The following ITGA1 variants were observed in gnomAD, a reference collection of about 807,000 sequenced individuals.
The protein encoded by ITGA1 is integrin subunit alpha 1.
ITGA1 carries 85 observed loss-of-function variants against 145.9 expected under a neutral mutation model. The ratio of observed to expected loss-of-function variants is 0.58; its 90% confidence interval spans 0.49 to 0.70. ITGA1 has a LOEUF of 0.70. Among genes scored for constraint, ITGA1 ranks in the 30% least tolerant of loss-of-function variants. The pLI, the probability that ITGA1 is intolerant of heterozygous loss-of-function variation, is 0.00. For missense variants in ITGA1, 1,351 were observed against 1,418.7 expected (o/e 0.95, Z 0.77); for synonymous variants, 520 against 495.3 (o/e 1.05, Z -0.66).
At chr5:52,850,818 C>T (rs1749420887) in intron 2 of ITGA1, among the ~76,000 whole-genome samples, 1 of 152,128 alleles carries the variant, frequency 6.6e-6, no homozygotes. Context: ...TACTCTCCAC[C>T]CATCCCATTC....
chr5:52,879,388 G>A (rs1204403205), intron 6 of ITGA1, among the ~76,000 whole-genome samples: 2 of 152,200 alleles, frequency 1.3e-5, no homozygotes, highest in African/African-American at 4.8e-5. Flanking sequence ...TTCCACAACA[G>A]TGTTTGTTCA....
chr5:52,925,470 G>C lies in ITGA1; in HGVS notation c.2596G>C (p.Val866Leu). Residue 866 changes from valine (V) to leucine (L), a missense_variant, in exon 19 of 29, where the codon GTT becomes CTT. By Grantham distance (32) the Val-to-Leu change is conservative. Transcript: ENST00000282588. ...AATAGTGCATTATTCTCCAAATCTA[G>C]TTTTTTCAGGAATTGAGGTAAACTT... ...RTIVHYSPNLVFSGIEAIQKD... is the reference protein window; with the variant it reads ...RTIVHYSPNLLFSGIEAIQKD... The C allele has an allele frequency of 6.2e-7, 1 of 1,612,250 alleles. No individual in the cohort carries two copies. The highest frequency in any genetic ancestry group is 1.7e-5 in the Admixed American group (1 of 59,960).
Position 52,957,014 on chromosome 5 carries a change from T to G in ITGA1, c.*4563T>G, listed in dbSNP as rs946252434. 6.6e-6 allele frequency: 1 copy of G among 152,192 alleles called. No individual in the cohort carries two copies. Among genetic ancestry groups the G allele is most frequent in the African/African-American group, 2.4e-5 (1 of 41,456 alleles). The allele number at this position is 152,192 out of a possible 1,614,324, so 9.4% of individuals were successfully genotyped here. A position where few individuals can be genotyped will look rare whatever the true frequency, so the allele number is the denominator to read the frequency against. On this transcript the variant is annotated 3_prime_UTR_variant, in exon 29 of 29. Coordinates refer to ENST00000282588, the MANE Select transcript of ITGA1 (RefSeq NM_181501.2). Reference sequence around the variant, plus strand: ...TGCTGTTTCTAAGTGGAAGCACTGTTGAACAACACTCTTAGGTGGAATAAG... The same window carrying G: ...TGCTGTTTCTAAGTGGAAGCACTGTGGAACAACACTCTTAGGTGGAATAAG...
At chr5:52,834,552 AAG>A (rs1200229357) in intron 1 of ITGA1, among the ~76,000 whole-genome samples, 3 of 39,562 alleles carry the variant, frequency 7.6e-5, no homozygotes, top group East Asian at 6.4e-4. Context: ...AAGAAAGAGA[AAG>A]AGAGAGAGAA....
intron 3 of ITGA1, among the ~76,000 whole-genome samples, chr5:52,863,163 C>T (rs1053967471): frequency 2.0e-5 from 3 of 152,152 alleles, no homozygotes; most frequent in Admixed American, 1.3e-4. Context: ...TTACTTGGCT[C>T]AACTCAATTT....
chr5:52,848,305 A>C (rs1266284642), intron 1 of ITGA1, among the ~76,000 whole-genome samples: 1 of 152,126 alleles, frequency 6.6e-6, no homozygotes, highest in Non-Finnish European at 1.5e-5. Flanking sequence ...AAAGCTTTAC[A>C]TGGTGATATG....
At chr5:52,846,430 G>C (rs1412700119) in intron 1 of ITGA1, among the ~76,000 whole-genome samples, 1 of 152,018 alleles carries the variant, frequency 6.6e-6, no homozygotes, top group African/African-American at 2.4e-5. Flanking sequence ...TAAAGCATTA[G>C]TGTGTCTAAA....
chr5:52,811,794 T>C (rs1580040111), intron 1 of ITGA1, among the ~76,000 whole-genome samples: 1 of 152,206 alleles, frequency 6.6e-6, no homozygotes, highest in Non-Finnish European at 1.5e-5. Context: ...TCAACTTTGC[T>C]CACTCTCCCA....
chr5:52,804,655 A>G (rs3811978), intron 1 of ITGA1, among the ~76,000 whole-genome samples: 36,315 of 152,074 alleles, frequency 0.24, 5,244 homozygotes, highest in African/African-American at 0.41. Context: ...TGCAATTCAT[A>G]TATTCTGGAA....
chr5:52,833,375 G>C (rs1038837361), intron 1 of ITGA1, among the ~76,000 whole-genome samples: 1 of 152,118 alleles, frequency 6.6e-6, no homozygotes, highest in African/African-American at 2.4e-5. Flanking sequence ...TGTTCACACA[G>C]TTATGTAAGA....
chr5:52,922,654 A>T (rs1750747904), intron 17 of ITGA1, 123 bp from the exon 18 acceptor site: 1 of 671,544 alleles, frequency 1.5e-6, no homozygotes, highest in East Asian at 2.6e-5. Flanking sequence ...ATCATATGTC[A>T]GATTAGATGC....
chr5:52,916,495 A>G lies in ITGA1; in HGVS notation c.1988+901A>G, dbSNP rs181189827. 1.4e-4 allele frequency among the ~76,000 whole-genome samples: 21 copies of G among 152,280 alleles called. No individual in the cohort carries two copies. The East Asian group carries it at 3.9e-3, about 28-fold the overall frequency. Reference sequence around the variant, plus strand: ...AGTAATAAAGTATAAAAGAAAGGTGAAGATAGAGAGGTGAAAATAGATGAC... The same window carrying G: ...AGTAATAAAGTATAAAAGAAAGGTGGAGATAGAGAGGTGAAAATAGATGAC... On this transcript the variant is annotated intron_variant, in intron 15 of 28. Transcript: ENST00000282588.
At chr5:52,940,044 T>C in intron 26 of ITGA1, 100 bp downstream of exon 26, 2 of 754,666 alleles carry the variant, frequency 2.7e-6, no homozygotes, top group Admixed American at 4.2e-5. Context: ...TTGGAAAGAA[T>C]GTGCGACTGG....
rs185516213 is a variant in ITGA1, at chr5:52,859,333, A to G, written c.183-2114A>G. 2.6e-5 allele frequency among the ~76,000 whole-genome samples: 4 copies of G among 152,298 alleles called. No homozygotes were observed. The East Asian group carries it at 7.7e-4, about 29-fold the overall frequency. ...CTTTTACTCTTTCATAATTATATAT[A>G]ACACTATGAGCATTATCTTTGTGCA... On this transcript the variant is annotated intron_variant, in intron 2 of 28. Transcript: ENST00000282588.
At chr5:52,881,800 A>G in intron 6 of ITGA1, 73 bp from the exon 7 acceptor site, 2 of 1,390,132 alleles carry the variant, frequency 1.4e-6, no homozygotes, top group Non-Finnish European at 9.9e-7. Context: ...TATCTGATTC[A>G]CATGGTTAAC....
intron 14 of ITGA1, among the ~76,000 whole-genome samples, chr5:52,911,207 A>C (rs1424989976): frequency 7.3e-5 from 10 of 136,074 alleles, no homozygotes; most frequent in Admixed American, 2.3e-4. Flanking sequence ...AGTATATATA[A>C]TATATAGTGT....
chr5:52,852,930 C>A (rs1749450879), intron 2 of ITGA1, among the ~76,000 whole-genome samples: 2 of 152,042 alleles, frequency 1.3e-5, no homozygotes, highest in Non-Finnish European at 2.9e-5. Flanking sequence ...TACTTAGGAC[C>A]AGAGCTGTAA....
At chr5:52,800,079 G>A (rs1748428344) in intron 1 of ITGA1, 1 of 347,916 alleles carries the variant, frequency 2.9e-6, no homozygotes, top group Non-Finnish European at 5.3e-6. Flanking sequence ...CGGGACGGGG[G>A]CTGCGCATGC....
intron 15 of ITGA1, among the ~76,000 whole-genome samples, chr5:52,916,824 A>C (rs1326166478): frequency 1.3e-5 from 2 of 152,182 alleles, no homozygotes; most frequent in African/African-American, 4.8e-5. Context: ...TTAGCTCACA[A>C]ATATTTATTG....
Sources: allele counts gnomAD v4.1 joint callset (sites outside exome capture counted in the v4.1 genomes callset), GRCh38; gene constraint gnomAD v4.1.1; transcripts MANE v1.5; gene names NCBI Gene and HGNC (gene_info 2026-07-23, HGNC 2026-07-21).